The following ADGRB3 variants were observed in gnomAD, a reference collection of about 807,000 sequenced individuals.
ADGRB3 encodes adhesion G protein-coupled receptor B3.
A neutral mutation model predicts 193.4 loss-of-function variants in ADGRB3; 37 were observed. The ratio of observed to expected loss-of-function variants is 0.19; its 90% CI spans 0.15 to 0.25. The LOEUF (loss-of-function observed/expected upper bound fraction) is 0.25. Among genes scored for constraint, ADGRB3 ranks in the 10% least tolerant of loss-of-function variants. The pLI is 1.00. For synonymous variants in ADGRB3, 690 were observed against 644.2 expected, an observed-to-expected ratio of 1.07 and a Z score of -1.08; for missense variants, 1,637 against 1,852.9, an observed-to-expected ratio of 0.88 and a Z score of 2.14.
chr6:68,945,574 T>C (rs899197521), intron 6 of ADGRB3, among the ~76,000 whole-genome samples: 3 of 152,124 alleles, frequency 2.0e-5, no homozygotes, highest in African/African-American at 7.2e-5. Flanking sequence ...TATTTGTCCA[T>C]GAAGTGCAAA....
chr6:69,109,566 T>C (rs1773309640), intron 17 of ADGRB3, among the ~76,000 whole-genome samples: 1 of 152,252 alleles, frequency 6.6e-6, no homozygotes, highest in Non-Finnish European at 1.5e-5. Context: ...TCAGTAACCC[T>C]ATTTTACAAA....
intron 3 of ADGRB3, among the ~76,000 whole-genome samples, chr6:68,762,596 G>T (rs529806189): frequency 1.3e-5 from 2 of 152,012 alleles, no homozygotes; most frequent in Admixed American, 1.3e-4. Flanking sequence ...AAAGGTAAAA[G>T]AAAGTAAATT....
chr6:68,699,753 C>T (rs1379853954), intron 3 of ADGRB3, among the ~76,000 whole-genome samples: 4 of 150,994 alleles, frequency 2.6e-5, no homozygotes, highest in African/African-American at 9.7e-5. Context: ...AATTAGTGTG[C>T]TGGAGCATGC....
intron 20 of ADGRB3, among the ~76,000 whole-genome samples, chr6:69,292,475 A>G (rs1694378125): frequency 6.6e-6 from 1 of 152,114 alleles, no homozygotes; most frequent in Admixed American, 6.6e-5. Flanking sequence ...AGAATGCATT[A>G]GTTTGTATAT....
At chr6:69,273,896 C>T (rs894045801) in intron 20 of ADGRB3, among the ~76,000 whole-genome samples, 5 of 152,096 alleles carry the variant, frequency 3.3e-5, no homozygotes, top group African/African-American at 1.2e-4. Context: ...CAGTCAGCAG[C>T]CACCTGAGGT....
At chr6:68,785,888 T>C (rs1766957489) in intron 3 of ADGRB3, among the ~76,000 whole-genome samples, 1 of 152,208 alleles carries the variant, frequency 6.6e-6, no homozygotes, top group South Asian at 2.1e-4. Flanking sequence ...GATTTTGATT[T>C]GCATTTCTCT....
intron 17 of ADGRB3, among the ~76,000 whole-genome samples, chr6:69,109,561 A>T (rs1454736829): frequency 6.6e-6 from 1 of 152,246 alleles, no homozygotes; most frequent in Non-Finnish European, 1.5e-5. Context: ...AGGTATCAGT[A>T]ACCCTATTTT....
intron 16 of ADGRB3, 47 bp from the exon 17 acceptor site, chr6:69,075,948 A>G (rs1274377218): frequency 4.3e-6 from 6 of 1,396,790 alleles, no homozygotes; most frequent in Admixed American, 3.5e-5. Flanking sequence ...CAATCTTTTT[A>G]TATATGTACT....
intron 29 of ADGRB3, among the ~76,000 whole-genome samples, chr6:69,362,324 A>G (rs910648531): frequency 6.6e-6 from 1 of 152,014 alleles, no homozygotes; most frequent in Non-Finnish European, 1.5e-5. Flanking sequence ...TTGTTTTAGT[A>G]TAATAGATTA....
intron 3 of ADGRB3, among the ~76,000 whole-genome samples, chr6:68,928,513 T>C (rs142065727): frequency 3.3e-5 from 5 of 152,228 alleles, no homozygotes; most frequent in African/African-American, 1.2e-4. Context: ...TCAGCCTGGG[T>C]GACAGACCAA....
intron 3 of ADGRB3, among the ~76,000 whole-genome samples, chr6:68,807,492 A>G (rs9351738): frequency 0.72 from 109,613 of 151,588 alleles, 40,091 homozygotes; most frequent in Middle Eastern, 0.87. Context: ...TCCCCGCCTC[A>G]GCCTCCCAAA....
chr6:69,113,385 T>C (rs1238192013), intron 17 of ADGRB3, among the ~76,000 whole-genome samples: 4 of 152,058 alleles, frequency 2.6e-5, no homozygotes, highest in African/African-American at 4.8e-5. Flanking sequence ...TGTATGTATA[T>C]ATGTGTGTAT....
intron 17 of ADGRB3, among the ~76,000 whole-genome samples, chr6:69,140,763 C>T (rs1469179908): frequency 3.3e-5 from 5 of 151,582 alleles, no homozygotes; most frequent in Non-Finnish European, 5.9e-5. Context: ...TTGTGTAACC[C>T]ATAAATATAC....
chr6:68,737,111 T>C lies in ADGRB3; in HGVS notation c.757+97679T>C, dbSNP rs536423944. 3.9e-5 allele frequency among the ~76,000 whole-genome samples: 6 copies of C among 152,284 alleles called. No individual in the cohort carries two copies. The South Asian group carries it at 1.2e-3, about 32-fold the overall frequency. ...GTAATGTTCCAGTATTATAAAAATG[T>C]TAAGAATAAATGTTTTCATGCTTAA... On this transcript the variant is annotated intron_variant, in intron 3 of 31. Coordinates refer to ENST00000370598, the MANE Select transcript of ADGRB3 (RefSeq NM_001704.3).
intron 17 of ADGRB3, among the ~76,000 whole-genome samples, chr6:69,145,789 G>T (rs1223358738): frequency 1.3e-5 from 2 of 151,766 alleles, no homozygotes; most frequent in Admixed American, 1.3e-4. Flanking sequence ...TCTGCAGCTG[G>T]TCATCCTGAC....
At chr6:68,851,452 T>C (rs1768401136) in intron 3 of ADGRB3, among the ~76,000 whole-genome samples, 1 of 152,034 alleles carries the variant, frequency 6.6e-6, no homozygotes, top group African/African-American at 2.4e-5. Context: ...AAGTAACTAT[T>C]TAATCTTTAA....
intron 3 of ADGRB3, among the ~76,000 whole-genome samples, chr6:68,750,990 C>T (rs921934888): frequency 6.6e-6 from 1 of 152,172 alleles, no homozygotes; most frequent in African/African-American, 2.4e-5. Flanking sequence ...TTGTTCCACT[C>T]TTCTGGGCTT....
chr6:69,184,231 G>A (rs1765016953), intron 17 of ADGRB3, among the ~76,000 whole-genome samples: 1 of 151,982 alleles, frequency 6.6e-6, no homozygotes, highest in Non-Finnish European at 1.5e-5. Flanking sequence ...ACAACAAAAA[G>A]TGTCCCCATC....
At chr6:69,242,268 A>C (rs77439901) in intron 20 of ADGRB3, among the ~76,000 whole-genome samples, 3,785 of 151,300 alleles carry the variant, frequency 0.025, 152 homozygotes, top group African/African-American at 0.088. Flanking sequence ...CAATAACTAA[A>C]GTATTTTATT....
Sources: gnomAD v4.1 joint callset for allele counts (sites outside exome capture counted in the v4.1 genomes callset) on GRCh38, gnomAD v4.1.1 for gene constraint, MANE v1.5 for transcripts, NCBI Gene and HGNC (gene_info 2026-07-23, HGNC 2026-07-21) for gene names.